TIAM2: variants seen among roughly 807,000 people sequenced by gnomAD.
The protein encoded by TIAM2 is rho guanine nucleotide exchange factor TIAM2.
TIAM2 carries 80 observed loss-of-function variants against 152.9 expected under a neutral mutation model. The ratio of observed to expected loss-of-function variants is 0.52; its 90% CI spans 0.44 to 0.63. TIAM2 has a LOEUF of 0.63. Among genes scored for constraint, TIAM2 ranks in the 30% least tolerant of loss-of-function variants. The pLI is 0.00. For missense variants in TIAM2, 1,965 were observed against 2,120.1 expected (o/e 0.93, Z 1.44); for synonymous variants, 804 against 838.0 (o/e 0.96, Z 0.70).
intron 2 of TIAM2, among the ~76,000 whole-genome samples, chr6:155,094,399 A>G (rs1193380881): frequency 2.0e-5 from 3 of 152,156 alleles, no homozygotes; most frequent in African/African-American, 7.2e-5. Flanking sequence ...AACTAAAGAT[A>G]TTTTCATAGT....
intron 1 of TIAM2, among the ~76,000 whole-genome samples, chr6:155,024,642 T>A (rs1188847853): frequency 9.9e-5 from 8 of 80,924 alleles, no homozygotes; most frequent in Non-Finnish European, 4.9e-5. Flanking sequence ...GTGGTATAAA[T>A]CCATGTCTTT....
At chr6:155,181,013 T>G (rs1226821236) in intron 12 of TIAM2, among the ~76,000 whole-genome samples, 1 of 152,174 alleles carries the variant, frequency 6.6e-6, no homozygotes, top group Non-Finnish European at 1.5e-5. Context: ...CATCTTTGTA[T>G]TGGAATGGAT....
chr6:155,172,670 ATATATATATATATATATTTTTTTTTT>A (rs1209887196), intron 9 of TIAM2, among the ~76,000 whole-genome samples: 16 of 9,792 alleles, frequency 1.6e-3, no homozygotes, highest in Non-Finnish European at 3.6e-3. Context: ...ATATATATAT[ATATATATATATATATATTTTTTTTTT>A]TTTTTTTTTT....
chr6:155,162,765 A>G (rs1780305664), intron 7 of TIAM2, among the ~76,000 whole-genome samples: 1 of 152,224 alleles, frequency 6.6e-6, no homozygotes, highest in Admixed American at 6.5e-5. Flanking sequence ...CATTCTGTCC[A>G]TTCAAGGCTG....
intron 1 of TIAM2, among the ~76,000 whole-genome samples, chr6:155,008,612 C>T (rs1490068202): frequency 6.6e-6 from 1 of 150,790 alleles, no homozygotes; most frequent in Non-Finnish European, 1.5e-5. Context: ...TTTTTTTAAC[C>T]TGCTCCTTGC....
At chr6:155,244,975 G>T in intron 18 of TIAM2, 192 bp downstream of exon 18, 1 of 644,016 alleles carries the variant, frequency 1.6e-6, no homozygotes, top group Non-Finnish European at 2.3e-6. Context: ...TTTTTTCCTG[G>T]CGCAGGTGCT....
intron 1 of TIAM2, among the ~76,000 whole-genome samples, chr6:155,006,535 G>T (rs996792935): frequency 6.6e-6 from 1 of 151,476 alleles, no homozygotes; most frequent in Non-Finnish European, 1.5e-5. Flanking sequence ...GTGTGGTGGC[G>T]CATGCCTGTA....
At chr6:155,173,191 GTGTGTGTGTGTC>G (rs1780673800) in intron 9 of TIAM2, among the ~76,000 whole-genome samples, 1 of 139,708 alleles carries the variant, frequency 7.2e-6, no homozygotes, top group African/African-American at 3.2e-5. Context: ...GTGTGTGTGT[GTGTGTGTGTGTC>G]TGTCTGTCTG....
At chr6:155,232,953 AC>A (rs372156568) in intron 15 of TIAM2, 1 of 152,094 alleles carries the variant, frequency 6.6e-6, no homozygotes, top group African/African-American at 2.4e-5. Flanking sequence ...GCACTTTTAA[AC>A]CTTTTTTCTT....
In TIAM2 at chr6:155,109,145, G is replaced by A. The variant is rs188232994; in HGVS notation, c.-117-18345G>A. On this transcript the variant is annotated intron_variant, in intron 2 of 26. Transcript: ENST00000682666. ...ACTACAGGCGCCCACCACCACACCC[G>A]GCTAATTTTTTTGTATTTTTGGTAG... Among the ~76,000 whole-genome samples the A allele has an allele frequency of 2.1e-3, 312 of 151,992 alleles. 3 individuals are homozygous for A. The highest frequency in any genetic ancestry group is 5.9e-4 in the Non-Finnish European group (40 of 67,976).
chr6:155,221,943 C>T (rs867269999), intron 15 of TIAM2, among the ~76,000 whole-genome samples: 2 of 151,734 alleles, frequency 1.3e-5, no homozygotes, highest in Non-Finnish European at 2.9e-5. Flanking sequence ...TATTCTTCTT[C>T]TTATTTATTT....
At chr6:155,147,295 TTTTATTTA>T (rs576866696) in intron 6 of TIAM2, among the ~76,000 whole-genome samples, 8 of 151,748 alleles carry the variant, frequency 5.3e-5, no homozygotes, top group East Asian at 3.9e-4. Context: ...ACAAGTATCC[TTTTATTTA>T]TTTATTTATT....
intron 1 of TIAM2, among the ~76,000 whole-genome samples, chr6:155,051,969 C>T (rs144809886): frequency 2.0e-3 from 300 of 152,162 alleles, no homozygotes; most frequent in African/African-American, 6.7e-3. Context: ...CAAATGATTT[C>T]TGAAATCTCC....
At chr6:155,236,237 C>T (rs1782751123) in intron 15 of TIAM2, among the ~76,000 whole-genome samples, 1 of 151,838 alleles carries the variant, frequency 6.6e-6, no homozygotes, top group Admixed American at 6.6e-5. Flanking sequence ...AGTGGGGACC[C>T]TGGGACAGGT....
rs1441001294 is a variant in TIAM2 at position 155,250,957 on chromosome 6, T to A, written c.3996T>A (p.Val1332=). 6.2e-7 allele frequency: 1 copy of A among 1,614,230 alleles called. No homozygotes were observed. The highest frequency in any genetic ancestry group is 1.7e-5 in the Admixed American group (1 of 60,032). Residue 1332 remains valine (V), a synonymous_variant, in exon 22 of 27, where the codon GTT becomes GTA. Transcript: ENST00000682666. Reference sequence around the variant, plus strand: ...GAGAGCTTCTGATGCACTCTACGGTTTCCTGGTTGAATCCATTTCTGTCTC... The same window carrying A: ...GAGAGCTTCTGATGCACTCTACGGTATCCTGGTTGAATCCATTTCTGTCTC... ...SMGELLMHST[V]SWLNPFLSLG...
chr6:155,025,317 C>T (rs1431165936), intron 1 of TIAM2, among the ~76,000 whole-genome samples: 1 of 152,038 alleles, frequency 6.6e-6, no homozygotes, highest in East Asian at 1.9e-4. Context: ...CCTCAGCCTC[C>T]TGAGTAGCTG....
chr6:155,037,326 G>A (rs187735210), intron 1 of TIAM2, among the ~76,000 whole-genome samples: 13 of 152,180 alleles, frequency 8.5e-5, no homozygotes, highest in African/African-American at 2.4e-4. Flanking sequence ...AAACTCTGAA[G>A]GTGACCATCT....
At chr6:155,005,807 G>A (rs540770063) in intron 1 of TIAM2, among the ~76,000 whole-genome samples, 20 of 151,726 alleles carry the variant, frequency 1.3e-4, no homozygotes, top group South Asian at 2.1e-4. Flanking sequence ...CTGCCACCAC[G>A]CCCAGCTAAT....
intron 7 of TIAM2, among the ~76,000 whole-genome samples, chr6:155,151,311 G>A (rs540735999): frequency 2.6e-4 from 40 of 152,282 alleles, no homozygotes; most frequent in Non-Finnish European, 4.3e-4. Context: ...ATGTGATGTC[G>A]TCTCAAATTG....
Sources: gnomAD v4.1 joint callset for allele counts (sites outside exome capture counted in the v4.1 genomes callset) on GRCh38, gnomAD v4.1.1 for gene constraint, MANE v1.5 for transcripts, NCBI Gene and HGNC (gene_info 2026-07-23, HGNC 2026-07-21) for gene names.